SFMBT1: variants seen among roughly 807,000 people sequenced by gnomAD.
SFMBT1 encodes Scm like with four mbt domains 1, also known as scm-like with four MBT domains protein 1.
A neutral mutation model predicts 108.7 loss-of-function variants in SFMBT1; 32 were observed. The ratio of observed to expected loss-of-function variants is 0.29; its 90% CI spans 0.22 to 0.40. SFMBT1 has a LOEUF of 0.40. Among genes scored for constraint, SFMBT1 ranks in the 10% least tolerant of loss-of-function variants. The pLI is 1.00. For missense variants in SFMBT1, 816 were observed against 1,059.6 expected, an observed-to-expected ratio of 0.77 and a Z score of 3.19; for synonymous variants, 348 against 369.5, an observed-to-expected ratio of 0.94 and a Z score of 0.67.
chr3:52,910,085 C>T (rs1702179862), intron 17 of SFMBT1, among the ~76,000 whole-genome samples: 1 of 152,040 alleles, frequency 6.6e-6, no homozygotes, highest in Admixed American at 6.6e-5. Context: ...TTCCCTGACC[C>T]CTTGCATAAA....
intron 1 of SFMBT1, among the ~76,000 whole-genome samples, chr3:53,025,948 T>C (rs1699475438): frequency 6.6e-6 from 1 of 152,206 alleles, no homozygotes; most frequent in African/African-American, 2.4e-5. Context: ...TGAAAACTGA[T>C]TTTGCTTTCT....
intron 1 of SFMBT1, among the ~76,000 whole-genome samples, chr3:53,034,479 G>T (rs931252641): frequency 6.6e-6 from 1 of 152,082 alleles, no homozygotes; most frequent in African/African-American, 2.4e-5. Flanking sequence ...TGCTCAGGAG[G>T]CTGAGGCAGG....
At chr3:52,947,199 G>T (rs1361667752) in intron 3 of SFMBT1, among the ~76,000 whole-genome samples, 1 of 149,182 alleles carries the variant, frequency 6.7e-6, no homozygotes, top group African/African-American at 2.5e-5. Context: ...CTCACTGCAA[G>T]CTCCGCCTCC....
intron 1 of SFMBT1, among the ~76,000 whole-genome samples, chr3:53,015,621 G>C (rs1699099288): frequency 6.6e-6 from 1 of 152,128 alleles, no homozygotes; most frequent in Non-Finnish European, 1.5e-5. Context: ...ATGAAATACT[G>C]ATACACACAC....
chr3:52,916,142 G>A lies in SFMBT1; in HGVS notation c.1480+8C>T. The A allele has an allele frequency of 1.2e-6, 2 of 1,612,478 alleles. No individual in the cohort carries two copies. Among genetic ancestry groups the A allele is most frequent in the Non-Finnish European group, 1.7e-6 (2 of 1,178,750 alleles). ...TCTTCTTTTCCTTAAGATGACATGT[G>A]CTTATACCTGACTCTGTGGAGTTCA... On this transcript the variant is annotated splice_region_variant and intron_variant, in intron 14 of 20. Coordinates refer to ENST00000394752, the MANE Select transcript of SFMBT1 (RefSeq NM_016329.4).
At chr3:52,920,463 T>C in intron 12 of SFMBT1, 74 bp downstream of exon 12, 1 of 1,028,688 alleles carries the variant, frequency 9.7e-7, no homozygotes, top group Non-Finnish European at 1.5e-6. Flanking sequence ...AATGTCCAGA[T>C]TAGTTTTAAT....
chr3:52,945,935 T>C (rs2106819603), intron 3 of SFMBT1, among the ~76,000 whole-genome samples: 1 of 152,308 alleles, frequency 6.6e-6, no homozygotes, highest in African/African-American at 2.4e-5. Context: ...AAGATTCTTA[T>C]TAACTTCAAA....
intron 11 of SFMBT1, among the ~76,000 whole-genome samples, chr3:52,921,484 T>C (rs1702517944): frequency 6.6e-6 from 1 of 152,258 alleles, no homozygotes; most frequent in Non-Finnish European, 1.5e-5. Flanking sequence ...TAGGGGACTC[T>C]GTAGTAAAGA....
chr3:53,032,092 G>A (rs1699705661), intron 1 of SFMBT1, among the ~76,000 whole-genome samples: 1 of 152,206 alleles, frequency 6.6e-6, no homozygotes, highest in Admixed American at 6.5e-5. Context: ...CCAGCCAGCT[G>A]GATACAATGG....
chr3:52,925,220 C>T (rs1269882523), intron 10 of SFMBT1, among the ~76,000 whole-genome samples: 1 of 151,756 alleles, frequency 6.6e-6, no homozygotes, highest in Non-Finnish European at 1.5e-5. Context: ...GACTCTGTCT[C>T]AAAACAAAAC....
At chr3:53,015,694 A>G (rs547399375) in intron 1 of SFMBT1, among the ~76,000 whole-genome samples, 99 of 152,354 alleles carry the variant, frequency 6.5e-4, no homozygotes, top group African/African-American at 1.8e-3. Context: ...ACCACATATT[A>G]TATGATATCA....
Position 52,916,179 on chromosome 3 carries a change from C to A in SFMBT1, c.1451G>T (p.Arg484Met). ...CTCTGTGGAGTTCAGCTCCTGATTC[C>A]TCAGGCCCTCGTGGACAGTCCTCGA... The part of the protein sequence containing the change: ...PSSRTVHEGL[R>M]NQELNSTESV... The change falls in exon 14 of 21, where the codon AGG becomes ATG. Residue 484 changes from arginine (R) to methionine (M), a missense_variant. Arg to Met is a moderately conservative substitution (Grantham distance 91). Coordinates refer to ENST00000394752, the MANE Select transcript of SFMBT1 (RefSeq NM_016329.4). 6.2e-7 allele frequency: 1 copy of A among 1,614,022 alleles called. No homozygotes were observed. Among genetic ancestry groups the A allele is most frequent in the Non-Finnish European group, 8.5e-7 (1 of 1,179,960 alleles).
chr3:52,980,502 C>T (rs575978223), intron 1 of SFMBT1, among the ~76,000 whole-genome samples: 106 of 152,056 alleles, frequency 7.0e-4, no homozygotes, highest in Middle Eastern at 6.8e-3. Flanking sequence ...TAGAAAGTAC[C>T]GCTAGAGATG....
At chr3:52,921,475 AG>A (rs1702517545) in intron 11 of SFMBT1, among the ~76,000 whole-genome samples, 1 of 152,230 alleles carries the variant, frequency 6.6e-6, no homozygotes, top group African/African-American at 2.4e-5. Flanking sequence ...TCCAGAAAAT[AG>A]GGGACTCTGT....
intron 1 of SFMBT1, among the ~76,000 whole-genome samples, chr3:52,987,637 C>G (rs1298085025): frequency 6.6e-6 from 1 of 152,156 alleles, no homozygotes; most frequent in African/African-American, 2.4e-5. Context: ...TCAGAGAATA[C>G]AAGGATAATT....
intron 1 of SFMBT1, among the ~76,000 whole-genome samples, chr3:52,994,657 G>A (rs533264849): frequency 3.3e-5 from 5 of 150,220 alleles, no homozygotes; most frequent in East Asian, 3.9e-4. Flanking sequence ...GCACCATCAC[G>A]CCCAGCTAAT....
chr3:52,986,239 T>C (rs1343007476), intron 1 of SFMBT1, among the ~76,000 whole-genome samples: 1 of 151,610 alleles, frequency 6.6e-6, no homozygotes, highest in Non-Finnish European at 1.5e-5. Flanking sequence ...TCTGGGTGAG[T>C]CAGTCAGTGG....
At chr3:52,995,154 G>C (rs1418316702) in intron 1 of SFMBT1, among the ~76,000 whole-genome samples, 1 of 148,808 alleles carries the variant, frequency 6.7e-6, no homozygotes, top group Non-Finnish European at 1.5e-5. Context: ...GATATTCACA[G>C]ACTAAAAGAT....
intron 3 of SFMBT1, among the ~76,000 whole-genome samples, chr3:52,949,634 A>T (rs758323768): frequency 8.0e-6 from 1 of 124,510 alleles, no homozygotes; most frequent in African/African-American, 3.2e-5. Context: ...GCTGGAGTGC[A>T]GTGGCATGAT....
Sources: allele counts gnomAD v4.1 joint callset (sites outside exome capture counted in the v4.1 genomes callset), GRCh38; gene constraint gnomAD v4.1.1; transcripts MANE v1.5; gene names NCBI Gene and HGNC (gene_info 2026-07-23, HGNC 2026-07-21).